COL18A1: variants seen among roughly 807,000 people sequenced by gnomAD.
COL18A1 encodes the protein collagen alpha-1(XVIII) chain.
COL18A1 carries 133 observed loss-of-function variants against 168.0 expected under a neutral mutation model. That is an observed-to-expected ratio of 0.79 (90% confidence interval 0.69 to 0.91). The LOEUF (loss-of-function observed/expected upper bound fraction) is 0.91, where lower values mean the gene tolerates loss of function less well. Ranked by LOEUF, COL18A1 falls within the 40% of genes least tolerant of loss-of-function variation. The pLI is 0.00. For synonymous variants in COL18A1, 949 were observed against 809.0 expected (o/e 1.17, Z -2.94); for missense variants, 2,126 against 1,925.4 (o/e 1.10, Z -1.95).
rs1367930787 is a variant in COL18A1, at chr21:45,468,270, G to A, written c.135G>A (p.Leu45=). The part of the protein sequence containing the change: ...PERISEEVGL[L]QLLGDPPPQQ... Reference sequence around the variant, plus strand: ...GCATCAGCGAGGAGGTGGGGCTGCTGCAGCTCCTTGGGGACCCCCCGCCCC... The same window carrying A: ...GCATCAGCGAGGAGGTGGGGCTGCTACAGCTCCTTGGGGACCCCCCGCCCC... Residue 45 remains leucine (L), a synonymous_variant, in exon 3 of 42, where the codon CTG becomes CTA. Coordinates refer to ENST00000651438, the MANE Select transcript of COL18A1 (RefSeq NM_001379500.1). 1 of 1,613,098 alleles carries A rather than the reference G, an allele frequency of 6.2e-7. No individual in the cohort carries two copies. The highest frequency in any genetic ancestry group is 2.2e-5 in the East Asian group (1 of 44,880).
chr21:45,488,031 C>G (rs1181859257), intron 17 of COL18A1, among the ~76,000 whole-genome samples: 1 of 152,170 alleles, frequency 6.6e-6, no homozygotes, highest in Non-Finnish European at 1.5e-5. Flanking sequence ...TCCTTCCTCC[C>G]CTGCCCCCAC....
chr21:45,480,986 T>G, intron 13 of COL18A1, 128 bp downstream of exon 13: 1 of 1,362,404 alleles, frequency 7.3e-7, no homozygotes, highest in Non-Finnish European at 1.0e-6. Flanking sequence ...TCATCTCCTC[T>G]AGGAGCTGGC....
At chr21:45,492,977 G>T (rs2036406283) in intron 24 of COL18A1, among the ~76,000 whole-genome samples, 186 bp from the exon 25 acceptor site, 1 of 152,096 alleles carries the variant, frequency 6.6e-6, no homozygotes, top group Non-Finnish European at 1.5e-5. Context: ...GGGCCGGGAG[G>T]TGTCCTGGTG....
At chr21:45,459,658 T>C (rs1274218703) in intron 2 of COL18A1, among the ~76,000 whole-genome samples, 2 of 151,756 alleles carry the variant, frequency 1.3e-5, no homozygotes, top group Non-Finnish European at 2.9e-5. Context: ...CTGTGGAGGG[T>C]TTTGCTGTGT....
chr21:45,496,786 TCTGCTAAGG>T, intron 30 of COL18A1, among the ~76,000 whole-genome samples: 1 of 152,204 alleles, frequency 6.6e-6, no homozygotes, highest in Non-Finnish European at 1.5e-5. Context: ...TCCAGCTGGC[TCTGCTAAGG>T]GCCTGAGCCC....
intron 2 of COL18A1, among the ~76,000 whole-genome samples, chr21:45,437,442 A>ACACACACAGACACAGG (rs2034169939): frequency 2.3e-5 from 1 of 43,136 alleles, no homozygotes; most frequent in African/African-American, 1.3e-4. Context: ...CTGCACACAC[A>ACACACACAGACACAGG]CACTCACTCA....
intron 36 of COL18A1, 76 bp from the exon 37 acceptor site, chr21:45,505,762 A>ATT: frequency 8.5e-7 from 1 of 1,177,176 alleles, no homozygotes; most frequent in South Asian, 1.3e-5. Flanking sequence ...GCACCCTGAA[A>ATT]CGGGCATTCC....
chr21:45,480,670 C>T, intron 12 of COL18A1, 30 bp from the exon 13 acceptor site: 1 of 1,610,834 alleles, frequency 6.2e-7, no homozygotes, highest in South Asian at 1.1e-5. Context: ...GCCACATGGG[C>T]TGTGACTATC....
chr21:45,427,475 T>G (rs2033837294), intron 2 of COL18A1, among the ~76,000 whole-genome samples: 1 of 152,196 alleles, frequency 6.6e-6, no homozygotes, highest in Non-Finnish European at 1.5e-5. Context: ...CCAGACTGTG[T>G]GCCCGGGTGC....
rs771439983 is a variant in COL18A1 at position 45,492,722 on chromosome 21, C to G, written c.2214+9C>G. Reference sequence around the variant, plus strand: ...GTTTCGCAGGCTTTCCCGTGAGTAACCTGGTGCCAGAGCTGCATGCTGCCC... The same window carrying G: ...GTTTCGCAGGCTTTCCCGTGAGTAAGCTGGTGCCAGAGCTGCATGCTGCCC... On this transcript the variant is annotated intron_variant, in intron 24 of 41. Coordinates refer to ENST00000651438, the MANE Select transcript of COL18A1 (RefSeq NM_001379500.1). 1 of 1,523,560 alleles carries G rather than the reference C, an allele frequency of 6.6e-7. No individual in the cohort carries two copies. Among genetic ancestry groups the G allele is most frequent in the South Asian group, 1.1e-5 (1 of 89,074 alleles). 94.4% of individuals were successfully genotyped at this position (1,523,560 alleles called of 1,614,324 possible). A position where few individuals can be genotyped will look rare whatever the true frequency, so the allele number is the denominator to read the frequency against.
Position 45,512,444 on chromosome 21 carries a change from G to GA in COL18A1, c.*48dup. On this transcript the variant is annotated 3_prime_UTR_variant, in exon 42 of 42. Transcript: ENST00000651438. ...GCCGGAGAGGACCGGCGGCTCGGAG[G>GA]AAGCCCCCACCGTGGGCAGGGAGCG... The GA allele has an allele frequency of 6.3e-7, 1 of 1,579,994 alleles. No homozygotes were observed. The highest frequency in any genetic ancestry group is 8.6e-7 in the Non-Finnish European group (1 of 1,162,870).
In COL18A1 at chr21:45,505,855, A is replaced by C; in HGVS notation, c.3105A>C (p.Thr1035=). 6.2e-7 allele frequency: 1 copy of C among 1,606,854 alleles called. No homozygotes were observed. Among genetic ancestry groups the C allele is most frequent in the Non-Finnish European group, 8.5e-7 (1 of 1,178,108 alleles). ...GASSGVRLWA[T]RQAMLGQVHE... Reference sequence around the variant, plus strand: ...CCCAGCAGGTGAGGCTCTGGGCTACACGCCAGGCCATGCTGGGCCAGGTGC... The same window carrying C: ...CCCAGCAGGTGAGGCTCTGGGCTACCCGCCAGGCCATGCTGGGCCAGGTGC... Residue 1035 remains threonine, a synonymous_variant, in exon 37 of 42, where the codon ACA becomes ACC. Coordinates refer to ENST00000651438, the MANE Select transcript of COL18A1 (RefSeq NM_001379500.1).
intron 2 of COL18A1, among the ~76,000 whole-genome samples, chr21:45,416,818 C>T (rs533520539): frequency 6.6e-6 from 1 of 152,152 alleles, no homozygotes; most frequent in Non-Finnish European, 1.5e-5. Context: ...CCAGCGCCTG[C>T]CCCTGACAAC....
At chr21:45,431,346 C>T (rs552626291) in intron 2 of COL18A1, among the ~76,000 whole-genome samples, 26 of 150,174 alleles carry the variant, frequency 1.7e-4, no homozygotes, top group East Asian at 6.0e-4. Flanking sequence ...TGTGTGGACC[C>T]GGCGGCCCAG....
intron 2 of COL18A1, among the ~76,000 whole-genome samples, 175 bp downstream of exon 2, chr21:45,405,648 A>C (rs1316453403): frequency 6.6e-6 from 1 of 150,762 alleles, no homozygotes; most frequent in Non-Finnish European, 1.5e-5. Context: ...GGGTGGCCGG[A>C]GTCCCGCCCA....
intron 2 of COL18A1, among the ~76,000 whole-genome samples, chr21:45,407,774 A>G (rs140009695): frequency 6.6e-6 from 1 of 152,188 alleles, no homozygotes. Flanking sequence ...CAGAAGATGC[A>G]TGTCCTGCCC....
intron 25 of COL18A1, 70 bp downstream of exon 25, chr21:45,493,295 C>T: frequency 1.3e-6 from 2 of 1,509,886 alleles, no homozygotes; most frequent in Non-Finnish European, 1.8e-6. Context: ...GCCCAGATGA[C>T]CACTGTTGGG....
intron 22 of COL18A1, 64 bp downstream of exon 22, chr21:45,491,378 T>G (rs2036337130): frequency 5.0e-6 from 4 of 792,960 alleles, no homozygotes; most frequent in Non-Finnish European, 6.1e-6. Context: ...CAGAGATCCC[T>G]CCCCGAGCCC....
At chr21:45,459,015 T>C (rs938818472) in intron 2 of COL18A1, among the ~76,000 whole-genome samples, 2 of 152,204 alleles carry the variant, frequency 1.3e-5, no homozygotes, top group Admixed American at 6.5e-5. Flanking sequence ...ACTGAACATC[T>C]GGACAGCTTG....
Sources: gnomAD v4.1 joint callset for allele counts (sites outside exome capture counted in the v4.1 genomes callset) on GRCh38, gnomAD v4.1.1 for gene constraint, MANE v1.5 for transcripts, NCBI Gene and HGNC (gene_info 2026-07-23, HGNC 2026-07-21) for gene names.